Variants in ERAP1 observed in about 807,000 individuals in gnomAD.
ERAP1 encodes endoplasmic reticulum aminopeptidase 1, also known as adipocyte-derived leucine aminopeptidase.
Under a neutral mutation model 103.7 loss-of-function variants are expected in ERAP1, and 86 were observed. That is an observed-to-expected ratio of 0.83 (90% CI 0.70 to 0.99). The LOEUF (loss-of-function observed/expected upper bound fraction) is 0.99, where lower values mean the gene tolerates loss of function less well. Ranked by LOEUF, ERAP1 falls within the 50% of genes least tolerant of loss-of-function variation. ERAP1 has a pLI of 0.00. For missense variants in ERAP1, 1,009 were observed against 1,128.4 expected (o/e 0.89, Z 1.52); for synonymous variants, 398 against 402.4 (o/e 0.99, Z 0.13).
chr5:96,899,280 T>C, the ERAP1 span, among the ~76,000 whole-genome samples: 2 of 152,226 alleles, frequency 1.3e-5, no homozygotes, highest in African/African-American at 4.8e-5. Flanking sequence ...TTCCTAGTTT[T>C]AAGAAAAGTC....
At chr5:96,886,191 G>GGATTAAAAGATAATGTGCT in the ERAP1 span, among the ~76,000 whole-genome samples, 1 of 152,038 alleles carries the variant, frequency 6.6e-6, no homozygotes, top group Non-Finnish European at 1.5e-5. Flanking sequence ...CCACATAACA[G>GGATTAAAAGATAATGTGCT]GATTAAAAGA....
At chr5:96,916,880 T>C in the ERAP1 span, among the ~76,000 whole-genome samples, 5 of 152,106 alleles carry the variant, frequency 3.3e-5, no homozygotes, top group African/African-American at 1.2e-4. Context: ...CAGCTCACCA[T>C]TTACTCTATG....
At chr5:96,781,614 A>G in intron 16 of ERAP1, 79 bp downstream of exon 16, 7 of 1,597,766 alleles carry the variant, frequency 4.4e-6, no homozygotes, top group Non-Finnish European at 6.0e-6. Flanking sequence ...TGGCCAAGAA[A>G]ACAAAAATAG....
the ERAP1 span, among the ~76,000 whole-genome samples, chr5:96,884,959 A>G: frequency 7.4e-5 from 7 of 94,166 alleles, no homozygotes; most frequent in Non-Finnish European, 1.5e-4. Context: ...AGTGTTTTGT[A>G]CTTGAGATTA....
rs1581509501 is a variant in ERAP1 at position 96,775,384 on chromosome 5, A to ATAAC, written c.*1008_*1011dup. ...AATAATTTACTGTCAGTAAATGCCAATAACTAGTTAGTTAGAAATTGTAAA... is the reference window on the plus strand; with the variant it reads ...AATAATTTACTGTCAGTAAATGCCAATAACTAACTAGTTAGTTAGAAATTGTAAA... On this transcript the variant is annotated 3_prime_UTR_variant, in exon 19 of 19. Transcript: ENST00000443439. The ATAAC allele has an allele frequency of 4.1e-6, 4 of 983,390 alleles. No homozygotes were observed. The highest frequency in any genetic ancestry group is 1.7e-5 in the African/African-American group (1 of 57,282). 60.9% of individuals were successfully genotyped at this position (983,390 alleles called of 1,614,324 possible). A position where few individuals can be genotyped will look rare whatever the true frequency, so the allele number is the denominator to read the frequency against.
chr5:96,852,069 A>G, the ERAP1 span, among the ~76,000 whole-genome samples: 1 of 152,200 alleles, frequency 6.6e-6, no homozygotes, highest in Non-Finnish European at 1.5e-5. Context: ...TAATTAAGGC[A>G]TTCACTCATT....
At chr5:96,842,800 A>T in the ERAP1 span, among the ~76,000 whole-genome samples, 1 of 152,036 alleles carries the variant, frequency 6.6e-6, no homozygotes, top group Non-Finnish European at 1.5e-5. Flanking sequence ...CCATCTATTT[A>T]TTTTTGTTTT....
intron 1 of ERAP1, among the ~76,000 whole-genome samples, chr5:96,806,468 ACTCT>A (rs1471471046): frequency 3.3e-5 from 5 of 152,090 alleles, no homozygotes; most frequent in African/African-American, 4.8e-5. Flanking sequence ...ACACATGCTC[ACTCT>A]CTCTAATAGC....
chr5:96,778,267 A>G lies in ERAP1; in HGVS notation c.2671-1716T>C, dbSNP rs73144441. On this transcript the variant is annotated intron_variant, in intron 18 of 18. Coordinates refer to ENST00000443439, the MANE Select transcript of ERAP1 (RefSeq NM_001040458.3). ...TTGGGGTATACAAGCAGTAAATATG[A>G]TTACTGTAAATAAACTGCTATGAAG... Among the ~76,000 whole-genome samples, 1,043 of 152,312 alleles carry G rather than the reference A, an allele frequency of 6.8e-3. 11 individuals carry two copies. Among genetic ancestry groups the G allele is most frequent in the African/African-American group, 0.024 (988 of 41,548 alleles).
At chr5:96,811,658 C>T (rs1452880433), upstream of ERAP1, among the ~76,000 whole-genome samples, 1 of 152,178 alleles carries the variant, frequency 6.6e-6, no homozygotes, top group Non-Finnish European at 1.5e-5. Flanking sequence ...TCCTGTATTA[C>T]CATACAACAG....
At chr5:96,861,770 C>A in the ERAP1 span, among the ~76,000 whole-genome samples, 2 of 152,180 alleles carry the variant, frequency 1.3e-5, no homozygotes, top group Non-Finnish European at 2.9e-5. Context: ...CATGGCCCAG[C>A]ATTTGAACCC....
chr5:96,852,396 A>C, the ERAP1 span, among the ~76,000 whole-genome samples: 2 of 152,206 alleles, frequency 1.3e-5, no homozygotes, highest in African/African-American at 4.8e-5. Context: ...CTCCATCAGC[A>C]GGTGGCTTTG....
At position 96,793,862 on chromosome 5, in the gene ERAP1, A is replaced by G; in HGVS notation, c.1015T>C (p.Ser339Pro). The change falls in exon 6 of 19, where the codon TCT becomes CCT. Residue 339 changes from serine (S) to proline (P), a missense_variant. Physicochemically the swap from Ser to Pro is moderately conservative, Grantham distance 74 (BLOSUM62 -1). Coordinates refer to ENST00000443439, the MANE Select transcript of ERAP1 (RefSeq NM_001040458.3). ...ATGCCAAGCTTACTTGATGCAGAAG[A>G]CTTTTCTGCATCAAACAACAGAGCA... ...ESALLFDAEK[S>P]SASSKLGITM... 1.2e-6 allele frequency: 2 copies of G among 1,614,176 alleles called. No individual in the cohort carries two copies. Among genetic ancestry groups the G allele is most frequent in the Non-Finnish European group, 1.7e-6 (2 of 1,180,002 alleles).
At chr5:96,873,643 G>T in the ERAP1 span, 1 of 344,342 alleles carries the variant, frequency 2.9e-6, no homozygotes, top group African/African-American at 2.1e-5. Flanking sequence ...ACCCTGATGT[G>T]CTTGAAGCAT....
At chr5:96,866,734 G>T in the ERAP1 span, among the ~76,000 whole-genome samples, 1 of 152,180 alleles carries the variant, frequency 6.6e-6, no homozygotes, top group South Asian at 2.1e-4. Context: ...CACCAGGAGG[G>T]ACCTGCTGAC....
chr5:96,843,250 G>C, the ERAP1 span, among the ~76,000 whole-genome samples: 1 of 152,126 alleles, frequency 6.6e-6, no homozygotes, highest in Non-Finnish European at 1.5e-5. Flanking sequence ...GTTTCCCACT[G>C]GTTATTTTGT....
the ERAP1 span, among the ~76,000 whole-genome samples, chr5:96,871,135 C>T: frequency 6.6e-6 from 1 of 152,176 alleles, no homozygotes; most frequent in Non-Finnish European, 1.5e-5. Flanking sequence ...ACTCTGGTTT[C>T]CTTGCTCTCC....
chr5:96,813,699 C>T, the ERAP1 span, among the ~76,000 whole-genome samples: 1 of 138,048 alleles, frequency 7.2e-6, no homozygotes, highest in African/African-American at 2.7e-5. Flanking sequence ...CTGCATAAGG[C>T]ATCTTCATAC....
chr5:96,793,691 T>G, intron 6 of ERAP1, 112 bp downstream of exon 6: 15 of 1,208,350 alleles, frequency 1.2e-5, no homozygotes, highest in Non-Finnish European at 1.7e-5. Flanking sequence ...GGAGAAACAA[T>G]TTTTCCTATT....
Sources: gnomAD v4.1 joint callset for allele counts (sites outside exome capture counted in the v4.1 genomes callset) on GRCh38, gnomAD v4.1.1 for gene constraint, MANE v1.5 for transcripts, NCBI Gene and HGNC (gene_info 2026-07-23, HGNC 2026-07-21) for gene names.